DNTTIP1: variants seen among roughly 807,000 people sequenced by gnomAD.
The protein encoded by DNTTIP1 is deoxynucleotidyltransferase terminal interacting protein 1.
Under a neutral mutation model 52.9 loss-of-function variants are expected in DNTTIP1, and 22 were observed. That is an observed-to-expected ratio of 0.42 (90% CI 0.30 to 0.59). DNTTIP1 has a LOEUF of 0.59. Ranked by LOEUF, DNTTIP1 falls within the 20% of genes least tolerant of loss-of-function variation. The pLI, the probability that DNTTIP1 is intolerant of heterozygous loss-of-function variation, is 0.22. For missense variants in DNTTIP1, 286 were observed against 435.5 expected (o/e 0.66, Z 3.06); for synonymous variants, 136 against 155.1 (o/e 0.88, Z 0.92).
In DNTTIP1 at chr20:45,811,250, G is replaced by A. The variant is rs1981841141; in HGVS notation, c.*55G>A. On this transcript the variant is annotated 3_prime_UTR_variant, in exon 13 of 13. Transcript: ENST00000372622. ...CCTCCTCCAAAGCCCTCTTCCTCACGTGGCTGAGGCCACCGCTGGGACTGC... is the reference window on the plus strand; with the variant it reads ...CCTCCTCCAAAGCCCTCTTCCTCACATGGCTGAGGCCACCGCTGGGACTGC... 4.5e-6 allele frequency: 7 copies of A among 1,551,346 alleles called. No individual in the cohort carries two copies. The highest frequency in any genetic ancestry group is 4.0e-5 in the Admixed American group (2 of 50,410).
At chr20:45,800,830 C>CCAAAAATA (rs1033570982) in intron 4 of DNTTIP1, among the ~76,000 whole-genome samples, 2 of 141,682 alleles carry the variant, frequency 1.4e-5, no homozygotes, top group Non-Finnish European at 3.0e-5. Flanking sequence ...CCCGTCTCTT[C>CCAAAAATA]CAAAAATACA....
chr20:45,804,537 T>G (rs970684140), intron 8 of DNTTIP1, among the ~76,000 whole-genome samples: 9 of 152,158 alleles, frequency 5.9e-5, no homozygotes, highest in Non-Finnish European at 4.4e-5. Flanking sequence ...CTTCAGCGAT[T>G]CCCCATTGCC....
intron 1 of DNTTIP1, 65 bp from the exon 2 acceptor site, chr20:45,792,612 C>T: frequency 1.5e-6 from 2 of 1,313,852 alleles, no homozygotes; most frequent in East Asian, 2.5e-5. Flanking sequence ...TCATACCCAC[C>T]CTCCACCTCC....
At chr20:45,806,766 G>C (rs143968627) in intron 10 of DNTTIP1, among the ~76,000 whole-genome samples, 1 of 152,320 alleles carries the variant, frequency 6.6e-6, no homozygotes, top group African/African-American at 2.4e-5. Flanking sequence ...TTGCCCAGTG[G>C]CTCCTTTGTT....
At chr20:45,807,912 A>G (rs1243290537) in intron 10 of DNTTIP1, among the ~76,000 whole-genome samples, 1 of 152,142 alleles carries the variant, frequency 6.6e-6, no homozygotes, top group Non-Finnish European at 1.5e-5. Context: ...AGATCACGCC[A>G]CTGCACTCCA....
intron 11 of DNTTIP1, 24 bp from the exon 12 acceptor site, chr20:45,810,861 C>T: frequency 6.2e-7 from 1 of 1,611,534 alleles, no homozygotes; most frequent in Non-Finnish European, 8.5e-7. Flanking sequence ...AGGCAATGAC[C>T]ACTCTCCCTT....
chr20:45,809,212 C>T lies in DNTTIP1; in HGVS notation c.795+27C>T. The T allele has an allele frequency of 5.0e-6, 8 of 1,606,186 alleles. No homozygotes were observed. The highest frequency in any genetic ancestry group is 6.8e-6 in the Non-Finnish European group (8 of 1,173,566). On this transcript the variant is annotated intron_variant, in intron 11 of 12. Transcript: ENST00000372622. The surrounding 1 kb of genome is among the most constrained non-coding windows in gnomAD (Gnocchi z 4.2). ...TAAGCATTATTCATTTGTGCCACTGCCAGTGACCCACCCCACCTGGGAACC... is the reference window on the plus strand; with the variant it reads ...TAAGCATTATTCATTTGTGCCACTGTCAGTGACCCACCCCACCTGGGAACC...
intron 3 of DNTTIP1, 78 bp from the exon 4 acceptor site, chr20:45,795,267 C>G: frequency 1.3e-6 from 1 of 791,292 alleles, no homozygotes; most frequent in Non-Finnish European, 2.0e-6. Context: ...AGGATAAAGA[C>G]TTATTTTATA....
chr20:45,794,540 G>A (rs905581109), intron 3 of DNTTIP1, among the ~76,000 whole-genome samples: 3 of 152,020 alleles, frequency 2.0e-5, no homozygotes, highest in Middle Eastern at 3.4e-3. Context: ...TGTCACGCAC[G>A]TGGTTTTTTT....
chr20:45,801,291 G>T, intron 5 of DNTTIP1, 111 bp from the exon 6 acceptor site: 1 of 1,427,756 alleles, frequency 7.0e-7, no homozygotes, highest in Non-Finnish European at 9.8e-7. Flanking sequence ...TCTTTGGCCT[G>T]GGTCAGAGCG....
rs1000676470 is a variant in DNTTIP1 at position 45,792,716 on chromosome 20, C to T, written c.145C>T (p.Arg49Trp). ...AATGATAAAGCACCGGCAGGTGCAGCGGAGGGGCCGCCGCTCACAGATGAC... is the reference window on the plus strand; with the variant it reads ...AATGATAAAGCACCGGCAGGTGCAGTGGAGGGGCCGCCGCTCACAGATGAC... The part of the protein sequence containing the change: ...NIMIKHRQVQ[R>W]RGRRSQMTTS... The change falls in exon 2 of 13, where the codon CGG becomes TGG. Residue 49 changes from arginine (R) to tryptophan (W), a missense_variant. By Grantham distance (101) the Arg-to-Trp change is moderately radical (BLOSUM62 -3). Transcript: ENST00000372622. 1.9e-6 allele frequency: 3 copies of T among 1,612,340 alleles called. No individual in the cohort carries two copies. In the African/African-American group the frequency reaches 4.0e-5, roughly 22 times the overall value.
At position 45,805,342 on chromosome 20, in the gene DNTTIP1, C is replaced by T. The variant is rs758666749; in HGVS notation, c.699C>T (p.Tyr233=). 38 of 1,614,176 alleles carry T rather than the reference C, an allele frequency of 2.4e-5. No individual in the cohort carries two copies. Among genetic ancestry groups the T allele is most frequent in the Admixed American group, 6.7e-5 (4 of 60,026 alleles). Residue 233 remains tyrosine (Y), a synonymous_variant, in exon 10 of 13, where the codon TAC becomes TAT. Coordinates refer to ENST00000372622, the MANE Select transcript of DNTTIP1 (RefSeq NM_052951.3). ...TGGGGGGCACCAGAGGAAGAATCTA[C>T]ATCAAGCACCCACACCTCTTTAAGG... ...LGMGGTRGRI[Y]IKHPHLFKYA...
intron 4 of DNTTIP1, among the ~76,000 whole-genome samples, chr20:45,796,752 T>G (rs535276926): frequency 6.6e-6 from 1 of 152,336 alleles, no homozygotes; most frequent in South Asian, 2.1e-4. Flanking sequence ...ACTACTTCAC[T>G]GGAACCCCTC....
intron 7 of DNTTIP1, 44 bp downstream of exon 7, chr20:45,802,101 C>T (rs41282768): frequency 0.055 from 87,176 of 1,599,492 alleles, 2,711 homozygotes; most frequent in Middle Eastern, 0.087. Context: ...GGGGAGCAGA[C>T]GGAGAGAGGG....
chr20:45,808,317 C>A (rs1981715123), intron 10 of DNTTIP1, among the ~76,000 whole-genome samples: 1 of 151,934 alleles, frequency 6.6e-6, no homozygotes, highest in Admixed American at 6.6e-5. Context: ...GCACTCTAGT[C>A]TGAACAACAG....
chr20:45,802,730 A>G (rs1451799463), intron 7 of DNTTIP1, among the ~76,000 whole-genome samples: 1 of 152,146 alleles, frequency 6.6e-6, no homozygotes, highest in Non-Finnish European at 1.5e-5. Flanking sequence ...GCATAGTGAC[A>G]GGCATCCACC....
At chr20:45,808,866 G>A (rs1053271479) in intron 10 of DNTTIP1, among the ~76,000 whole-genome samples, 3 of 152,262 alleles carry the variant, frequency 2.0e-5, no homozygotes, top group South Asian at 2.1e-4. Context: ...CCAGTTGCCC[G>A]GGGTGCTTTG....
intron 3 of DNTTIP1, among the ~76,000 whole-genome samples, chr20:45,795,085 A>C (rs1236887054): frequency 1.3e-5 from 2 of 152,064 alleles, no homozygotes; most frequent in African/African-American, 4.8e-5. Context: ...GGTGTGAGCC[A>C]CCGCGCCCGT....
At chr20:45,805,407 A>T (rs1381215837) in intron 10 of DNTTIP1, 41 bp downstream of exon 10, 1 of 1,602,668 alleles carries the variant, frequency 6.2e-7, no homozygotes, top group Non-Finnish European at 8.5e-7. Context: ...TTGCATTGGG[A>T]GTAGACTGGG....
Sources: allele counts gnomAD v4.1 joint callset (sites outside exome capture counted in the v4.1 genomes callset), GRCh38; gene constraint gnomAD v4.1.1; non-coding constraint Gnocchi (gnomAD v3.1); transcripts MANE v1.5; gene names NCBI Gene and HGNC (gene_info 2026-07-23, HGNC 2026-07-21).